The following TRPM3 variants were observed in gnomAD, a reference collection of about 807,000 sequenced individuals.
TRPM3 encodes the protein transient receptor potential cation channel subfamily M member 3, also known as long transient receptor potential channel 3.
In TRPM3, 77 loss-of-function variants were observed where a neutral mutation model predicts 181.2. That is an observed-to-expected ratio of 0.42 (90% CI 0.35 to 0.51). TRPM3 has a LOEUF of 0.51. Among genes scored for constraint, TRPM3 ranks in the 20% least tolerant of loss-of-function variants. TRPM3 has a pLI of 0.01. For missense variants in TRPM3, 1,759 were observed against 2,196.7 expected (o/e 0.80, Z 3.98); for synonymous variants, 745 against 796.4 (o/e 0.94, Z 1.09).
At chr9:70,960,825 C>T (rs533449900) in intron 1 of TRPM3, among the ~76,000 whole-genome samples, 4 of 152,114 alleles carry the variant, frequency 2.6e-5, no homozygotes, top group South Asian at 2.1e-4. Flanking sequence ...CCCTGGCCAC[C>T]GCTCTGCCTT....
intron 1 of TRPM3, among the ~76,000 whole-genome samples, chr9:70,931,142 T>A (rs573348588): frequency 6.6e-6 from 1 of 152,224 alleles, no homozygotes; most frequent in African/African-American, 2.4e-5. Context: ...ATGTTCAGGC[T>A]CTGCACAGAT....
At chr9:70,842,958 C>A (rs1222105017) in intron 5 of TRPM3, 45 bp downstream of exon 5, 2 of 1,591,940 alleles carry the variant, frequency 1.3e-6, no homozygotes, top group South Asian at 2.3e-5. Context: ...TTTCTGATAT[C>A]CCCTCTAGGA....
rs1455524249 is a variant in TRPM3 at position 70,625,311 on chromosome 9, G to A, written c.1689C>T (p.Tyr563=). The A allele has an allele frequency of 3.7e-6, 6 of 1,614,046 alleles. No homozygotes were observed. In the African/African-American group the frequency reaches 6.7e-5, roughly 18 times the overall value. ...GGCCGATGTCAATCAGGCTGATTCT[G>A]TAGTCTGGGGGCAGGTTCCCCTATC... ...IYFKGNLPPD[Y]RISLIDIGLV... Residue 563 remains tyrosine, a synonymous_variant, in exon 14 of 26, where the codon TAC becomes TAT. Coordinates refer to ENST00000677713, the MANE Select transcript of TRPM3 (RefSeq NM_001366145.2). The surrounding 1 kb of genome is among the most constrained non-coding windows in gnomAD (Gnocchi z 4.8).
chr9:71,160,247 T>C (rs2076213884), intron 1 of TRPM3, among the ~76,000 whole-genome samples: 1 of 152,154 alleles, frequency 6.6e-6, no homozygotes, highest in Admixed American at 6.6e-5. Context: ...TGAATTATTC[T>C]TGACCCATTC....
At chr9:71,423,507 C>T (rs1286022879) in intron 1 of TRPM3, among the ~76,000 whole-genome samples, 1 of 152,026 alleles carries the variant, frequency 6.6e-6, no homozygotes, top group African/African-American at 2.4e-5. Flanking sequence ...ATACAGTCTT[C>T]CCAAACTGAA....
intron 1 of TRPM3, among the ~76,000 whole-genome samples, chr9:71,186,065 A>G (rs1294590400): frequency 2.6e-5 from 4 of 152,050 alleles, no homozygotes; most frequent in Non-Finnish European, 2.9e-5. Context: ...TTGCAGCTGC[A>G]TAACTCTAAC....
At chr9:70,570,894 T>G (rs2132161173) in intron 22 of TRPM3, among the ~76,000 whole-genome samples, 1 of 152,330 alleles carries the variant, frequency 6.6e-6, no homozygotes. Flanking sequence ...TAGTCTATCT[T>G]CCAATCTTTC....
intron 1 of TRPM3, among the ~76,000 whole-genome samples, chr9:70,888,367 G>A (rs866106646): frequency 1.5e-3 from 166 of 112,544 alleles, no homozygotes; most frequent in Middle Eastern, 4.5e-3. Flanking sequence ...TTTGGGGTGT[G>A]TGTGTGTGTG....
chr9:71,411,039 A>G (rs1382167265), intron 1 of TRPM3, among the ~76,000 whole-genome samples: 5 of 152,244 alleles, frequency 3.3e-5, no homozygotes, highest in Non-Finnish European at 5.9e-5. Context: ...AAGGCCTTTG[A>G]CAAAATTCAA....
At chr9:71,186,045 A>G (rs2077658547) in intron 1 of TRPM3, among the ~76,000 whole-genome samples, 1 of 151,990 alleles carries the variant, frequency 6.6e-6, no homozygotes, top group African/African-American at 2.4e-5. Context: ...AAAATCTAGT[A>G]TTCGTTGGTT....
chr9:70,577,850 T>C (rs1011190850), intron 22 of TRPM3, among the ~76,000 whole-genome samples: 2 of 152,196 alleles, frequency 1.3e-5, no homozygotes, highest in African/African-American at 2.4e-5. Context: ...GCACCATATA[T>C]AGTTCCTTCG....
intron 1 of TRPM3, among the ~76,000 whole-genome samples, chr9:71,403,466 A>G (rs994678663): frequency 2.6e-5 from 4 of 152,200 alleles, no homozygotes; most frequent in Non-Finnish European, 4.4e-5. Flanking sequence ...GTTTCTGGAA[A>G]CTGTATGACT....
chr9:70,891,871 A>G lies in TRPM3; in HGVS notation c.178-27360T>C, dbSNP rs72729783. Among the ~76,000 whole-genome samples, 557 of 152,322 alleles carry G rather than the reference A, an allele frequency of 3.7e-3. 2 individuals carry two copies. The highest frequency in any genetic ancestry group is 0.017 in the Middle Eastern group (5 of 294). ...GTTCTGAAGATTTGCTGAAGACCTC[A>G]GGGCTGGCAAAGTCAGACCCAAACT... On this transcript the variant is annotated intron_variant, in intron 1 of 25. Transcript: ENST00000677713.
At chr9:70,638,406 C>T (rs1035853824) in intron 11 of TRPM3, among the ~76,000 whole-genome samples, 4 of 152,178 alleles carry the variant, frequency 2.6e-5, no homozygotes, top group African/African-American at 9.7e-5. Flanking sequence ...AATTTCTGCT[C>T]TTTAAACTTC....
At chr9:70,922,327 T>G (rs981147341) in intron 1 of TRPM3, among the ~76,000 whole-genome samples, 1 of 152,162 alleles carries the variant, frequency 6.6e-6, no homozygotes, top group African/African-American at 2.4e-5. Context: ...TATGTTCCCA[T>G]GCATTATGTC....
rs187149274 is a variant in TRPM3, at chr9:70,570,605, G to A, written c.3224-17295C>T. ...TGGGATTACAGGCATAAGCCACGGC[G>A]TCCGGCCTTAGATATTTTAAAAGTA... On this transcript the variant is annotated intron_variant, in intron 22 of 25. Transcript: ENST00000677713. Among the ~76,000 whole-genome samples the A allele has an allele frequency of 5.4e-3, 815 of 152,262 alleles. 12 individuals are homozygous for A. Among genetic ancestry groups the A allele is most frequent in the Non-Finnish European group, 6.9e-3 (469 of 68,018 alleles).
Position 71,187,127 on chromosome 9 carries a change from A to G in TRPM3, c.183+259526T>C, listed in dbSNP as rs150661206. ...GCAATTCTAGAGAGCAGATTAAACAAGCCTTTGAATATCTTTTTAACAGTA... is the reference window on the plus strand; with the variant it reads ...GCAATTCTAGAGAGCAGATTAAACAGGCCTTTGAATATCTTTTTAACAGTA... On this transcript the variant is annotated intron_variant, in intron 1 of 24. Coordinates refer to the TRPM3 transcript ENST00000357533. Among the ~76,000 whole-genome samples the G allele has an allele frequency of 5.3e-3, 801 of 152,152 alleles. 5 individuals are homozygous for G. The highest frequency in any genetic ancestry group is 0.011 in the Admixed American group (175 of 15,246).
chr9:71,080,502 A>G (rs2064134168), intron 1 of TRPM3, among the ~76,000 whole-genome samples: 2 of 152,172 alleles, frequency 1.3e-5, no homozygotes, highest in Admixed American at 1.3e-4. Context: ...CATTCTTAGT[A>G]AGTTTATTTT....
At chr9:71,316,853 A>C (rs1313647224) in intron 1 of TRPM3, among the ~76,000 whole-genome samples, 1 of 152,152 alleles carries the variant, frequency 6.6e-6, no homozygotes, top group Non-Finnish European at 1.5e-5. Flanking sequence ...CATAAGAATT[A>C]ATCTCATCGT....
Sources: gnomAD v4.1 joint callset for allele counts (sites outside exome capture counted in the v4.1 genomes callset) on GRCh38, gnomAD v4.1.1 for gene constraint, Gnocchi (gnomAD v3.1) non-coding constraint, MANE v1.5 for transcripts, NCBI Gene and HGNC (gene_info 2026-07-23, HGNC 2026-07-21) for gene names.